PIP5K1A: variants seen among roughly 807,000 people sequenced by gnomAD.
The protein encoded by PIP5K1A is phosphatidylinositol-4-phosphate 5-kinase type 1 alpha.
Under a neutral mutation model 72.9 loss-of-function variants are expected in PIP5K1A, and 46 were observed. The ratio of observed to expected loss-of-function variants is 0.63; its 90% confidence interval spans 0.50 to 0.81. The LOEUF (loss-of-function observed/expected upper bound fraction) is 0.81, where lower values mean the gene tolerates loss of function less well. Among genes scored for constraint, PIP5K1A ranks in the 30% least tolerant of loss-of-function variants. The pLI, the probability that PIP5K1A is intolerant of heterozygous loss-of-function variation, is 0.00. For missense variants in PIP5K1A, 458 were observed against 706.1 expected (o/e 0.65, Z 3.98); for synonymous variants, 228 against 255.1 (o/e 0.89, Z 1.01).
rs1251202512 is a variant in PIP5K1A, at chr1:151,221,855, T to A, written c.86-2390T>A. Reference sequence around the variant, plus strand: ...AGGAGGCTGAGGTGGGAGGATCACTTGAATCCAGGAGTTTGAGACCAGCCT... The same window carrying A: ...AGGAGGCTGAGGTGGGAGGATCACTAGAATCCAGGAGTTTGAGACCAGCCT... On this transcript the variant is annotated intron_variant, in intron 1 of 15. Transcript: ENST00000368888. Among the ~76,000 whole-genome samples the A allele has an allele frequency of 1.3e-5, 2 of 152,268 alleles. 1 individual carries two copies. Among genetic ancestry groups the A allele is most frequent in the East Asian group, 3.9e-4 (2 of 5,180 alleles).
chr1:151,229,900 G>C lies in PIP5K1A; in HGVS notation c.238-1771G>C, dbSNP rs587718895. ...AGATCGAGATCATCCTGGCTAACAC[G>C]GTGAAACCCCATCTCTACTAAAAAA... On this transcript the variant is annotated intron_variant, in intron 4 of 15. Transcript: ENST00000368888. Among the ~76,000 whole-genome samples the C allele has an allele frequency of 8.2e-4, 125 of 151,662 alleles. 1 individual carries two copies. Among genetic ancestry groups the C allele is most frequent in the Non-Finnish European group, 9.6e-4 (65 of 67,908 alleles).
At chr1:151,210,378 C>G (rs1048651345) in intron 1 of PIP5K1A, among the ~76,000 whole-genome samples, 2 of 150,174 alleles carry the variant, frequency 1.3e-5, no homozygotes, top group Admixed American at 6.7e-5. Context: ...TAAGTAGAGA[C>G]AGTCTCATCA....
intron 13 of PIP5K1A, 49 bp from the exon 14 acceptor site, chr1:151,242,389 T>C (rs371730481): frequency 1.7e-5 from 27 of 1,610,070 alleles, no homozygotes; most frequent in Non-Finnish European, 2.3e-5. Flanking sequence ...AGCTGCTACA[T>C]ATTTTTCCTT....
Position 151,248,373 on chromosome 1 carries a change from C to T in PIP5K1A, c.*508C>T, listed in dbSNP as rs772107139. ...TTTGGGGGATAAGGGTGTTTAACCA[C>T]CTCCCAGCTTTCTTCTTCTTTTTTT... On this transcript the variant is annotated 3_prime_UTR_variant, in exon 16 of 16. Coordinates refer to ENST00000368888, the MANE Select transcript of PIP5K1A (RefSeq NM_001135638.2). The T allele has an allele frequency of 6.5e-6, 1 of 152,942 alleles. No homozygotes were observed. Among genetic ancestry groups the T allele is most frequent in the South Asian group, 2.1e-4 (1 of 4,808 alleles). The allele number at this position is 152,942 out of a possible 1,614,324, so 9.5% of individuals were successfully genotyped here. A position where few individuals can be genotyped will look rare whatever the true frequency, so the allele number is the denominator to read the frequency against.
At chr1:151,219,719 G>A (rs908102897) in intron 1 of PIP5K1A, among the ~76,000 whole-genome samples, 1 of 151,222 alleles carries the variant, frequency 6.6e-6, no homozygotes, top group African/African-American at 2.4e-5. Context: ...AAACTGGAAA[G>A]TAGGCCTTGT....
intron 1 of PIP5K1A, among the ~76,000 whole-genome samples, chr1:151,219,703 G>A (rs945652167): frequency 6.6e-6 from 1 of 150,808 alleles, no homozygotes; most frequent in Non-Finnish European, 1.5e-5. Flanking sequence ...TAAAAAAAAA[G>A]AAACAAAACT....
rs587694872 is a variant in PIP5K1A, at chr1:151,209,425, C to T, written c.85+10344C>T. On this transcript the variant is annotated intron_variant, in intron 1 of 15. Transcript: ENST00000368888. Reference sequence around the variant, plus strand: ...AGCTGGGATTACAGGCGCGTGCCACCATGCCTGGCTAATTTTTTTTTTTTT... The same window carrying T: ...AGCTGGGATTACAGGCGCGTGCCACTATGCCTGGCTAATTTTTTTTTTTTT... 4.5e-4 allele frequency among the ~76,000 whole-genome samples: 67 copies of T among 149,950 alleles called. 1 individual carries two copies. The highest frequency in any genetic ancestry group is 1.6e-3 in the African/African-American group (66 of 40,884).
upstream of PIP5K1A, among the ~76,000 whole-genome samples, chr1:151,197,284 G>C (rs1457468565): frequency 6.6e-6 from 1 of 150,672 alleles, no homozygotes; most frequent in East Asian, 2.0e-4. Flanking sequence ...TTGTTTGTTT[G>C]TTTTGTTTTG....
intron 1 of PIP5K1A, among the ~76,000 whole-genome samples, chr1:151,214,568 A>G (rs1403345540): frequency 6.6e-6 from 1 of 151,738 alleles, no homozygotes; most frequent in African/African-American, 2.4e-5. Flanking sequence ...TTTAGTAGAG[A>G]TGGGGTTTTG....
upstream of PIP5K1A, among the ~76,000 whole-genome samples, chr1:151,195,884 ATTTTTTTT>A (rs1157195462): frequency 4.7e-4 from 29 of 62,306 alleles, no homozygotes; most frequent in East Asian, 1.2e-3. Flanking sequence ...ACACCAGCCG[ATTTTTTTT>A]TTTTTTTTTT....
chr1:151,222,371 C>T (rs980394457), intron 1 of PIP5K1A, among the ~76,000 whole-genome samples: 1 of 152,128 alleles, frequency 6.6e-6, no homozygotes, highest in South Asian at 2.1e-4. Context: ...TTCCATGGAG[C>T]GACATCGTCT....
chr1:151,224,137 G>A (rs1688778824), intron 1 of PIP5K1A, 108 bp from the exon 2 acceptor site: 1 of 958,900 alleles, frequency 1.0e-6, no homozygotes, highest in African/African-American at 1.6e-5. Context: ...CAAGAGGCAG[G>A]AGTTTATACT....
intron 1 of PIP5K1A, among the ~76,000 whole-genome samples, chr1:151,199,984 C>T (rs1684991014): frequency 6.6e-6 from 1 of 152,054 alleles, no homozygotes; most frequent in Non-Finnish European, 1.5e-5. Context: ...CATACTTTCT[C>T]AGACTAATTC....
chr1:151,211,814 A>G (rs1686847265), intron 1 of PIP5K1A, among the ~76,000 whole-genome samples: 1 of 148,418 alleles, frequency 6.7e-6, no homozygotes, highest in Non-Finnish European at 1.5e-5. Context: ...TCAAAAAAGA[A>G]AAAAAAAGGC....
intron 1 of PIP5K1A, among the ~76,000 whole-genome samples, chr1:151,216,809 A>G (rs972881235): frequency 6.6e-6 from 1 of 151,676 alleles, no homozygotes; most frequent in Non-Finnish European, 1.5e-5. Flanking sequence ...TAGGAAGTAC[A>G]TGTTGTTACT....
At chr1:151,199,848 G>T (rs926347413) in intron 1 of PIP5K1A, among the ~76,000 whole-genome samples, 4 of 152,192 alleles carry the variant, frequency 2.6e-5, no homozygotes, top group African/African-American at 9.6e-5. Flanking sequence ...AGGGAATCGT[G>T]AATTTTGTTG....
chr1:151,197,412 T>C (rs1050207238), upstream of PIP5K1A, among the ~76,000 whole-genome samples: 2 of 151,420 alleles, frequency 1.3e-5, no homozygotes, highest in African/African-American at 4.9e-5. Context: ...CCGAGTAGCC[T>C]GGGACTACAG....
At chr1:151,210,376 G>T (rs1686632298) in intron 1 of PIP5K1A, among the ~76,000 whole-genome samples, 1 of 149,710 alleles carries the variant, frequency 6.7e-6, no homozygotes, top group Non-Finnish European at 1.5e-5. Flanking sequence ...CTTAAGTAGA[G>T]ACAGTCTCAT....
chr1:151,226,243 C>T (rs1301124752), intron 3 of PIP5K1A, among the ~76,000 whole-genome samples: 6 of 151,858 alleles, frequency 4.0e-5, no homozygotes, highest in African/African-American at 4.8e-5. Context: ...CCTACTACCA[C>T]GCCTGGGTAA....
Sources: allele counts gnomAD v4.1 joint callset (sites outside exome capture counted in the v4.1 genomes callset), GRCh38; gene constraint gnomAD v4.1.1; transcripts MANE v1.5; gene names NCBI Gene and HGNC (gene_info 2026-07-23, HGNC 2026-07-21).